Variants in CSMD1 observed in about 807,000 individuals in gnomAD.
The protein encoded by CSMD1 is CUB and Sushi multiple domains 1, also known as CUB and sushi domain-containing protein 1.
Under a neutral mutation model 417.5 loss-of-function variants are expected in CSMD1, and 213 were observed. That is an observed-to-expected ratio of 0.51 (90% CI 0.46 to 0.57). The LOEUF (loss-of-function observed/expected upper bound fraction) is 0.57. Among genes scored for constraint, CSMD1 ranks in the 20% least tolerant of loss-of-function variants. The pLI, the probability that CSMD1 is intolerant of heterozygous loss-of-function variation, is 0.00. For synonymous variants in CSMD1, 2,862 were observed against 1,736.8 expected, an observed-to-expected ratio of 1.65 and a Z score of -16.11; for missense variants, 6,923 against 4,529.7, an observed-to-expected ratio of 1.53 and a Z score of -15.17.
At chr8:3,981,940 G>A (rs933329175) in intron 5 of CSMD1, among the ~76,000 whole-genome samples, 5 of 152,004 alleles carry the variant, frequency 3.3e-5, no homozygotes, top group Non-Finnish European at 7.4e-5. Flanking sequence ...GGGAGGCCGA[G>A]GCAGGTGGAT....
chr8:3,092,287 G>C (rs533132406), intron 47 of CSMD1, among the ~76,000 whole-genome samples: 73 of 151,850 alleles, frequency 4.8e-4, no homozygotes, highest in Non-Finnish European at 9.0e-4. Context: ...TATCCACATA[G>C]GTAATTCTTA....
intron 2 of CSMD1, among the ~76,000 whole-genome samples, chr8:4,520,191 T>A (rs1050675948): frequency 2.6e-5 from 4 of 152,148 alleles, no homozygotes; most frequent in Admixed American, 6.6e-5. Context: ...CTCATAAAAA[T>A]GCAATATCGT....
chr8:2,992,332 G>A (rs1162623595), intron 54 of CSMD1, among the ~76,000 whole-genome samples: 2 of 152,186 alleles, frequency 1.3e-5, no homozygotes, highest in African/African-American at 4.8e-5. Context: ...ACTAGACAGA[G>A]GTGATGGTTG....
intron 1 of CSMD1, among the ~76,000 whole-genome samples, chr8:4,782,797 T>C (rs1296414316): frequency 6.6e-6 from 1 of 152,204 alleles, no homozygotes; most frequent in African/African-American, 2.4e-5. Flanking sequence ...CCTGATTATA[T>C]CTATTTTCAC....
At chr8:3,986,154 T>G (rs1215411382) in intron 5 of CSMD1, among the ~76,000 whole-genome samples, 1 of 152,114 alleles carries the variant, frequency 6.6e-6, no homozygotes, top group African/African-American at 2.4e-5. Context: ...AGGCATCACC[T>G]TAAAGTCTCT....
At chr8:4,230,849 A>C (rs1322507979) in intron 3 of CSMD1, among the ~76,000 whole-genome samples, 2 of 152,152 alleles carry the variant, frequency 1.3e-5, no homozygotes, top group African/African-American at 4.8e-5. Flanking sequence ...GGTTAGGAAC[A>C]ATCGATTATA....
At chr8:4,806,035 C>G (rs1431770008) in intron 1 of CSMD1, among the ~76,000 whole-genome samples, 1 of 152,174 alleles carries the variant, frequency 6.6e-6, no homozygotes, top group African/African-American at 2.4e-5. Context: ...ATGAAACAGA[C>G]AGTGAGATGA....
intron 51 of CSMD1, among the ~76,000 whole-genome samples, chr8:3,021,239 T>C (rs1438546106): frequency 6.6e-6 from 1 of 152,224 alleles, no homozygotes; most frequent in Non-Finnish European, 1.5e-5. Context: ...TTTAAGTTTG[T>C]CCTCTAACAA....
chr8:4,440,403 C>A (rs1798399785), intron 2 of CSMD1, among the ~76,000 whole-genome samples: 1 of 152,150 alleles, frequency 6.6e-6, no homozygotes, highest in South Asian at 2.1e-4. Context: ...TGCTCTCACT[C>A]ACACCTATAT....
intron 1 of CSMD1, among the ~76,000 whole-genome samples, chr8:4,805,025 T>C (rs866464340): frequency 6.6e-6 from 1 of 152,206 alleles, no homozygotes; most frequent in Admixed American, 6.5e-5. Context: ...GGTAGAATTA[T>C]ACAGAAAACA....
intron 25 of CSMD1, among the ~76,000 whole-genome samples, chr8:3,285,522 G>A (rs1202280314): frequency 6.6e-6 from 1 of 151,868 alleles, no homozygotes; most frequent in Non-Finnish European, 1.5e-5. Flanking sequence ...AAGAAGCTAG[G>A]ACTACAAGCA....
intron 3 of CSMD1, among the ~76,000 whole-genome samples, chr8:4,332,159 T>C (rs536536035): frequency 4.6e-5 from 7 of 152,246 alleles, no homozygotes; most frequent in African/African-American, 1.7e-4. Flanking sequence ...GCTTAGGTCA[T>C]GGAGCAAACA....
intron 10 of CSMD1, among the ~76,000 whole-genome samples, chr8:3,499,019 G>C (rs1441862981): frequency 2.0e-5 from 3 of 152,140 alleles, no homozygotes; most frequent in Admixed American, 6.6e-5. Flanking sequence ...TATGGAATTA[G>C]AAAATGATTT....
Position 4,590,703 on chromosome 8 carries a change from T to C in CSMD1, c.302+46639A>G, listed in dbSNP as rs1022344864. On this transcript the variant is annotated intron_variant, in intron 2 of 69. Coordinates refer to ENST00000635120, the MANE Select transcript of CSMD1 (RefSeq NM_033225.6). ...TCTTAAGAAAATGAGAAGCACTGAATAGATAGATTTTTTGTTGTTTGTTGC... is the reference window on the plus strand; with the variant it reads ...TCTTAAGAAAATGAGAAGCACTGAACAGATAGATTTTTTGTTGTTTGTTGC... 3.3e-5 allele frequency among the ~76,000 whole-genome samples: 5 copies of C among 152,194 alleles called. No individual in the cohort carries two copies. The East Asian group carries it at 9.6e-4, about 29-fold the overall frequency.
At chr8:4,879,674 G>A (rs1236917277) in intron 1 of CSMD1, among the ~76,000 whole-genome samples, 1 of 151,942 alleles carries the variant, frequency 6.6e-6, no homozygotes, top group Non-Finnish European at 1.5e-5. Context: ...CCCATAGAAA[G>A]CAGGAGAATC....
chr8:3,097,076 A>T (rs577746721), intron 46 of CSMD1, 39 bp from the exon 47 acceptor site: 3 of 1,437,566 alleles, frequency 2.1e-6, no homozygotes, highest in Admixed American at 2.5e-5. Flanking sequence ...GCTTTAATAA[A>T]ATGATTCCAA....
intron 3 of CSMD1, among the ~76,000 whole-genome samples, chr8:4,402,816 T>C (rs1585020872): frequency 2.8e-5 from 2 of 70,648 alleles, no homozygotes; most frequent in African/African-American, 8.2e-5. Context: ...TTTTTTTTTT[T>C]TTTTCTTTTT....
chr8:4,583,397 C>T (rs978809345), intron 2 of CSMD1, among the ~76,000 whole-genome samples: 1 of 152,174 alleles, frequency 6.6e-6, no homozygotes, highest in Non-Finnish European at 1.5e-5. Flanking sequence ...ACACACCAAT[C>T]AGCACCCTGT....
intron 10 of CSMD1, among the ~76,000 whole-genome samples, chr8:3,547,941 T>C (rs182496368): frequency 2.0e-5 from 3 of 152,240 alleles, no homozygotes; most frequent in Admixed American, 2.0e-4. Context: ...TGTCATAAAG[T>C]AGAAATTTGC....
Sources: allele counts gnomAD v4.1 joint callset (sites outside exome capture counted in the v4.1 genomes callset), GRCh38; gene constraint gnomAD v4.1.1; transcripts MANE v1.5; gene names NCBI Gene and HGNC (gene_info 2026-07-23, HGNC 2026-07-21).